ANKFN1: variants seen among roughly 807,000 people sequenced by gnomAD.
The protein encoded by ANKFN1 is ankyrin repeat and fibronectin type III domain containing 1.
ANKFN1 carries 74 observed loss-of-function variants against 108.7 expected under a neutral mutation model. That is an observed-to-expected ratio of 0.68 (90% CI 0.56 to 0.83). The LOEUF (loss-of-function observed/expected upper bound fraction) is 0.83, where lower values mean the gene tolerates loss of function less well. ANKFN1 is among the 40% of genes least tolerant of loss of function. The pLI is 0.00. For missense variants in ANKFN1, 1,505 were observed against 1,382.3 expected (o/e 1.09, Z -1.41); for synonymous variants, 547 against 516.2 (o/e 1.06, Z -0.81).
chr17:56,092,780 G>A (rs1210047938), intron 4 of ANKFN1, among the ~76,000 whole-genome samples: 3 of 150,792 alleles, frequency 2.0e-5, no homozygotes, highest in African/African-American at 4.9e-5. Context: ...CATTTTGTTG[G>A]CAGAATTCAG....
At chr17:56,144,080 G>A (rs1298148125) in intron 4 of ANKFN1, among the ~76,000 whole-genome samples, 1 of 148,732 alleles carries the variant, frequency 6.7e-6, no homozygotes, top group African/African-American at 2.5e-5. Context: ...GCTCCCAGAG[G>A]GCAGAGGTTG....
intron 19 of ANKFN1, 37 bp downstream of exon 19, chr17:56,492,390 G>T (rs1438651583): frequency 1.4e-6 from 1 of 693,496 alleles, no homozygotes; most frequent in South Asian, 1.5e-5. Flanking sequence ...AAGGAAGGGA[G>T]AAGAGGCAGG....
chr17:56,315,241 C>T (rs537423123), intron 3 of ANKFN1, among the ~76,000 whole-genome samples: 1 of 151,610 alleles, frequency 6.6e-6, no homozygotes, highest in Admixed American at 6.6e-5. Flanking sequence ...ATGATTCATT[C>T]TCTCTCTCTC....
chr17:56,323,473 A>C (rs2144520322), intron 3 of ANKFN1: 1 of 152,676 alleles, frequency 6.5e-6, no homozygotes, highest in East Asian at 1.9e-4. Flanking sequence ...AGACGAGACG[A>C]ACTCCAGGAA....
intron 3 of ANKFN1, among the ~76,000 whole-genome samples, chr17:56,236,236 T>G (rs890661429): frequency 5.9e-5 from 9 of 152,008 alleles, no homozygotes; most frequent in Non-Finnish European, 1.0e-4. Flanking sequence ...TTTTTGTATT[T>G]TTAGTAGAGA....
In ANKFN1 at chr17:56,233,255, C is replaced by G. The variant is rs1311558575; in HGVS notation, c.53+5298C>G. Among the ~76,000 whole-genome samples the G allele has an allele frequency of 2.0e-5, 3 of 152,148 alleles. No individual in the cohort carries two copies. The East Asian group carries it at 5.8e-4, about 29-fold the overall frequency. On this transcript the variant is annotated intron_variant, in intron 3 of 20. Transcript: ENST00000682825. ...TTTGATAGAACTTGTTCATATTAAA[C>G]CCATATTGACTTCAACTAATAATTT... is the stretch of plus-strand genomic sequence containing the variant.
intron 1 of ANKFN1, among the ~76,000 whole-genome samples, chr17:56,179,907 C>T (rs539296066): frequency 5.3e-5 from 8 of 152,204 alleles, no homozygotes; most frequent in Non-Finnish European, 7.3e-5. Context: ...AAGCATTCAT[C>T]GCACATTCTA....
intron 20 of ANKFN1, among the ~76,000 whole-genome samples, chr17:56,499,762 T>C: frequency 6.6e-6 from 1 of 152,128 alleles, no homozygotes; most frequent in East Asian, 1.9e-4. Flanking sequence ...TGGGTTAATA[T>C]GAATTTCTAC....
intron 2 of ANKFN1, among the ~76,000 whole-genome samples, chr17:56,227,180 T>A (rs1477923581): frequency 6.6e-6 from 1 of 152,102 alleles, no homozygotes; most frequent in Non-Finnish European, 1.5e-5. Context: ...TTAAACCTAC[T>A]ACACTAAAAA....
intron 4 of ANKFN1, among the ~76,000 whole-genome samples, chr17:56,139,739 T>TAGG (rs1907808959): frequency 6.6e-6 from 1 of 152,218 alleles, no homozygotes; most frequent in African/African-American, 2.4e-5. Flanking sequence ...AAATGCTGTA[T>TAGG]AGGACATTTC....
At chr17:56,123,261 C>A (rs537855909) in intron 4 of ANKFN1, among the ~76,000 whole-genome samples, 142 of 152,318 alleles carry the variant, frequency 9.3e-4, no homozygotes, top group African/African-American at 3.1e-3. Flanking sequence ...ACCATGTTAA[C>A]CAGAGTGGCT....
chr17:56,096,619 C>T (rs117864423), intron 4 of ANKFN1, among the ~76,000 whole-genome samples: 35 of 152,150 alleles, frequency 2.3e-4, no homozygotes, highest in Non-Finnish European at 3.4e-4. Context: ...AAAATGCTGG[C>T]GAGGTTGCAG....
At chr17:56,052,428 G>A (rs1904794331) in intron 4 of ANKFN1, among the ~76,000 whole-genome samples, 1 of 152,066 alleles carries the variant, frequency 6.6e-6, no homozygotes, top group Non-Finnish European at 1.5e-5. Context: ...GCATGCCCGT[G>A]GCCTGCAGAA....
chr17:56,381,523 A>T (rs1255832170), intron 8 of ANKFN1, among the ~76,000 whole-genome samples: 1 of 152,326 alleles, frequency 6.6e-6, no homozygotes, highest in Non-Finnish European at 1.5e-5. Flanking sequence ...AAGGCAAACA[A>T]GTTGAAAACT....
At position 56,511,053 on chromosome 17, in the gene ANKFN1, G is replaced by A. The variant is rs1567718209; in HGVS notation, c.3225G>A (p.Glu1075=). ...TLAHAASLPE[E]RNSSLQDARP... ...CCCACGCTGCCAGCCTTCCTGAGGA[G>A]CGGAACAGCAGTCTCCAGGACGCGA... Residue 1075 remains glutamate, a synonymous_variant, in exon 21 of 21, where the codon GAG becomes GAA. Transcript: ENST00000682825. The A allele has an allele frequency of 6.5e-7, 1 of 1,536,020 alleles. No individual in the cohort carries two copies.
At chr17:56,359,250 A>G (rs1307002255) in intron 6 of ANKFN1, among the ~76,000 whole-genome samples, 4 of 152,204 alleles carry the variant, frequency 2.6e-5, no homozygotes, top group Non-Finnish European at 5.9e-5. Context: ...ACACACATGC[A>G]TACACAGAAT....
intron 8 of ANKFN1, among the ~76,000 whole-genome samples, chr17:56,427,836 G>A (rs2048618861): frequency 1.3e-5 from 2 of 152,156 alleles, no homozygotes; most frequent in South Asian, 4.1e-4. Context: ...TTGATAGGCT[G>A]TGTGGATCTG....
intron 4 of ANKFN1, among the ~76,000 whole-genome samples, chr17:56,108,568 T>C (rs1461205361): frequency 6.6e-6 from 1 of 152,198 alleles, no homozygotes; most frequent in Non-Finnish European, 1.5e-5. Flanking sequence ...ATTTTACAAA[T>C]AAGGAAACTA....
chr17:56,375,077 A>G (rs984598490), intron 8 of ANKFN1, among the ~76,000 whole-genome samples: 2 of 152,186 alleles, frequency 1.3e-5, no homozygotes, highest in African/African-American at 2.4e-5. Context: ...TATGGAACAT[A>G]CTAAGTAGGG....
Sources: allele counts gnomAD v4.1 joint callset (sites outside exome capture counted in the v4.1 genomes callset), GRCh38; gene constraint gnomAD v4.1.1; transcripts MANE v1.5; gene names NCBI Gene and HGNC (gene_info 2026-07-23, HGNC 2026-07-21).